DLG2: variants seen among roughly 807,000 people sequenced by gnomAD.
DLG2 encodes discs large MAGUK scaffold protein 2, also known as disks large homolog 2.
DLG2 carries 45 observed loss-of-function variants against 132.5 expected under a neutral mutation model. The ratio of observed to expected loss-of-function variants is 0.34; its 90% CI spans 0.27 to 0.44. The LOEUF (loss-of-function observed/expected upper bound fraction) is 0.44. Among genes scored for constraint, DLG2 ranks in the 20% least tolerant of loss-of-function variants. The pLI is 1.00. For missense variants in DLG2, 1,045 were observed against 1,196.9 expected, an observed-to-expected ratio of 0.87 and a Z score of 1.87; for synonymous variants, 424 against 419.6, an observed-to-expected ratio of 1.01 and a Z score of -0.13.
intron 6 of DLG2, among the ~76,000 whole-genome samples, chr11:84,660,587 C>T (rs1212943372): frequency 2.6e-5 from 4 of 152,102 alleles, no homozygotes; most frequent in Admixed American, 6.6e-5. Flanking sequence ...TAGAGAGATG[C>T]TTTTGTCCAG....
intron 6 of DLG2, among the ~76,000 whole-genome samples, chr11:85,054,896 A>G (rs2063294568): frequency 6.6e-6 from 1 of 152,176 alleles, no homozygotes; most frequent in African/African-American, 2.4e-5. Flanking sequence ...TTGAAAAACT[A>G]ACTGTTTAGT....
chr11:83,514,361 A>G (rs919140404), intron 21 of DLG2, among the ~76,000 whole-genome samples: 3 of 152,058 alleles, frequency 2.0e-5, no homozygotes, highest in African/African-American at 7.2e-5. Context: ...AATGCTTGTG[A>G]TTTTTGTACA....
chr11:84,583,442 G>T (rs1039575085), intron 6 of DLG2, among the ~76,000 whole-genome samples: 6 of 152,186 alleles, frequency 3.9e-5, no homozygotes, highest in African/African-American at 1.4e-4. Flanking sequence ...ATGAAGAGAG[G>T]AATTCTTACA....
At chr11:84,911,659 C>A (rs1021544849) in intron 6 of DLG2, among the ~76,000 whole-genome samples, 1 of 152,072 alleles carries the variant, frequency 6.6e-6, no homozygotes, top group Non-Finnish European at 1.5e-5. Context: ...TCTAATCTGG[C>A]AAATTATCTT....
intron 6 of DLG2, among the ~76,000 whole-genome samples, chr11:84,818,919 T>C (rs1368499564): frequency 8.0e-6 from 1 of 124,584 alleles, no homozygotes; most frequent in East Asian, 2.2e-4. Context: ...ATGTTCATAA[T>C]TTCCAGGCAG....
At chr11:84,277,492 A>G (rs2097793562) in intron 7 of DLG2, among the ~76,000 whole-genome samples, 1 of 152,226 alleles carries the variant, frequency 6.6e-6, no homozygotes, top group African/African-American at 2.4e-5. Context: ...GTTAAAGAAA[A>G]AAATTAAAAA....
intron 2 of DLG2, among the ~76,000 whole-genome samples, chr11:85,614,376 T>G (rs977843475): frequency 1.3e-5 from 2 of 152,130 alleles, no homozygotes; most frequent in African/African-American, 2.4e-5. Flanking sequence ...GCATGGTGGC[T>G]GACACCTGTA....
intron 6 of DLG2, among the ~76,000 whole-genome samples, chr11:84,990,045 G>C (rs2154124539): frequency 6.6e-6 from 1 of 152,240 alleles, no homozygotes. Flanking sequence ...TTTGCTCCTT[G>C]AAAGACCCGA....
chr11:84,168,024 G>C (rs1046178179), intron 8 of DLG2, among the ~76,000 whole-genome samples: 4 of 152,144 alleles, frequency 2.6e-5, no homozygotes, highest in African/African-American at 9.7e-5. Flanking sequence ...GCTGAAACAA[G>C]GATATCAAAG....
intron 6 of DLG2, among the ~76,000 whole-genome samples, chr11:85,008,839 G>T (rs542857714): frequency 6.6e-6 from 1 of 152,036 alleles, no homozygotes. Context: ...TTCATATACT[G>T]ATTGATGCTA....
intron 5 of DLG2, among the ~76,000 whole-genome samples, chr11:85,114,054 C>T (rs549081895): frequency 6.6e-6 from 1 of 152,104 alleles, no homozygotes; most frequent in South Asian, 2.1e-4. Context: ...CATGTTTTGT[C>T]TACCACTTCG....
chr11:84,430,626 GCCC>G (rs2098981748), intron 7 of DLG2, among the ~76,000 whole-genome samples: 1 of 152,038 alleles, frequency 6.6e-6, no homozygotes, highest in Non-Finnish European at 1.5e-5. Context: ...CAACTATCTT[GCCC>G]TCCAGCCTAC....
At chr11:84,977,251 T>C (rs2055033755) in intron 6 of DLG2, among the ~76,000 whole-genome samples, 1 of 152,166 alleles carries the variant, frequency 6.6e-6, no homozygotes, top group Non-Finnish European at 1.5e-5. Flanking sequence ...GGAATGGCTC[T>C]AGTTCTAACT....
At chr11:83,968,189 C>A (rs1268530056) in intron 12 of DLG2, among the ~76,000 whole-genome samples, 1 of 152,168 alleles carries the variant, frequency 6.6e-6, no homozygotes, top group African/African-American at 2.4e-5. Flanking sequence ...CTATACCATA[C>A]TTTGCAGCAC....
At chr11:85,509,601 T>C (rs1331879547) in intron 3 of DLG2, among the ~76,000 whole-genome samples, 3 of 152,074 alleles carry the variant, frequency 2.0e-5, no homozygotes, top group African/African-American at 4.8e-5. Flanking sequence ...AATTGTCACA[T>C]TGAAGAACCG....
chr11:85,299,132 T>A (rs1321038430), intron 3 of DLG2, among the ~76,000 whole-genome samples: 1 of 152,284 alleles, frequency 6.6e-6, no homozygotes, highest in Non-Finnish European at 1.5e-5. Context: ...AGTTGAGCAT[T>A]GTATGTACAT....
chr11:84,992,479 C>A (rs1419592435), intron 6 of DLG2, among the ~76,000 whole-genome samples: 1 of 152,202 alleles, frequency 6.6e-6, no homozygotes. Context: ...TCTTTAGCAT[C>A]TCCTGAGGCA....
intron 21 of DLG2, among the ~76,000 whole-genome samples, chr11:83,530,436 G>A (rs2095710811): frequency 6.6e-6 from 1 of 151,574 alleles, no homozygotes; most frequent in African/African-American, 2.4e-5. Flanking sequence ...TTTTCATGGT[G>A]ACAGCAATTG....
At chr11:84,537,593 G>T (rs1206338412) in intron 6 of DLG2, among the ~76,000 whole-genome samples, 1 of 152,120 alleles carries the variant, frequency 6.6e-6, no homozygotes, top group African/African-American at 2.4e-5. Context: ...TTGTGCAACA[G>T]ATCTCCAGAA....
Sources: gnomAD v4.1 joint callset for allele counts (sites outside exome capture counted in the v4.1 genomes callset) on GRCh38, gnomAD v4.1.1 for gene constraint, MANE v1.5 for transcripts, NCBI Gene and HGNC (gene_info 2026-07-23, HGNC 2026-07-21) for gene names.